The following TMEM132C variants were observed in gnomAD, a reference collection of about 807,000 sequenced individuals.
TMEM132C encodes protein phosphatase 1, regulatory subunit 152.
TMEM132C carries 29 observed loss-of-function variants against 61.4 expected under a neutral mutation model. The observed-to-expected ratio is 0.47, with a 90% CI of 0.35 to 0.64. The LOEUF (loss-of-function observed/expected upper bound fraction) is 0.64, where lower values mean the gene tolerates loss of function less well. Among genes scored for constraint, TMEM132C ranks in the 30% least tolerant of loss-of-function variants. The probability of loss-of-function intolerance (pLI) is 0.00; values close to 1 mark genes in which losing one functional copy is unlikely to be tolerated. For synonymous variants in TMEM132C, 656 were observed against 633.1 expected, an observed-to-expected ratio of 1.04 and a Z score of -0.54; for missense variants, 1,408 against 1,476.9, an observed-to-expected ratio of 0.95 and a Z score of 0.76.
chr12:128,549,245 A>T (rs76925685), intron 3 of TMEM132C, among the ~76,000 whole-genome samples: 4,423 of 152,104 alleles, frequency 0.029, 259 homozygotes, highest in African/African-American at 0.1. Flanking sequence ...GCAGCTCATT[A>T]TCCTCTCACC....
Position 128,642,299 on chromosome 12 carries a change from T to C in TMEM132C, c.1305+25964T>C, listed in dbSNP as rs1006937594. Among the ~76,000 whole-genome samples the C allele has an allele frequency of 2.6e-5, 4 of 151,982 alleles. No homozygotes were observed. The East Asian group carries it at 7.7e-4, about 29-fold the overall frequency. The stretch of plus-strand genomic sequence containing the variant: ...GGTGTGTGCCACCATGTCTGGCTAA[T>C]TTTTTGTATTTTAGTAGAGATGGGG... On this transcript the variant is annotated intron_variant, in intron 4 of 8. Transcript: ENST00000435159.
chr12:128,293,259 C>T (rs530087531), intron 1 of TMEM132C, among the ~76,000 whole-genome samples: 9 of 152,190 alleles, frequency 5.9e-5, no homozygotes, highest in East Asian at 3.9e-4. Flanking sequence ...CTCAGGGGGC[C>T]GTTTCATTGC....
intron 3 of TMEM132C, among the ~76,000 whole-genome samples, chr12:128,605,645 C>T (rs1019177972): frequency 6.6e-6 from 1 of 152,138 alleles, no homozygotes; most frequent in African/African-American, 2.4e-5. Context: ...AGTGGCATCA[C>T]GTCAAACCAC....
intron 1 of TMEM132C, among the ~76,000 whole-genome samples, chr12:128,303,986 C>T (rs897197624): frequency 1.3e-5 from 2 of 152,060 alleles, no homozygotes; most frequent in Non-Finnish European, 2.9e-5. Flanking sequence ...ACCCAACTAA[C>T]CTGGTAGTTG....
chr12:128,495,562 G>A (rs1259247648), intron 2 of TMEM132C, among the ~76,000 whole-genome samples: 1 of 152,044 alleles, frequency 6.6e-6, no homozygotes, highest in African/African-American at 2.4e-5. Flanking sequence ...AGCTCTTCTT[G>A]TTGAATCCCT....
chr12:128,540,993 C>CTCTGTCTG lies in TMEM132C; in HGVS notation c.975-2956_975-2949dup, dbSNP rs148028994. Among the ~76,000 whole-genome samples the CTCTGTCTG allele has an allele frequency of 2.0e-5, 3 of 150,700 alleles. No individual in the cohort carries two copies. In the East Asian group the frequency reaches 5.9e-4, roughly 30 times the overall value. ...TGTCTCTATCTCTCTGTCTGTATGTCTCTGTCTGTCTGTCTATCTTTCTCT... is the reference window on the plus strand; with the variant it reads ...TGTCTCTATCTCTCTGTCTGTATGTCTCTGTCTGTCTGTCTGTCTGTCTATCTTTCTCT... On this transcript the variant is annotated intron_variant, in intron 2 of 8. Transcript: ENST00000435159.
intron 1 of TMEM132C, chr12:128,288,699 A>G (rs567098882): frequency 1.6e-4 from 25 of 151,866 alleles, no homozygotes; most frequent in African/African-American, 5.1e-4. Flanking sequence ...GGAGGCTGGC[A>G]CTCTTATATA....
chr12:128,574,141 C>G (rs1875005363), intron 3 of TMEM132C, among the ~76,000 whole-genome samples: 1 of 152,216 alleles, frequency 6.6e-6, no homozygotes, highest in South Asian at 2.1e-4. Flanking sequence ...CAGAACGCCA[C>G]TTCCTTGCTC....
At chr12:128,534,521 C>G (rs1411422714) in intron 2 of TMEM132C, among the ~76,000 whole-genome samples, 2 of 152,256 alleles carry the variant, frequency 1.3e-5, no homozygotes, top group African/African-American at 4.8e-5. Context: ...CTGCCTGACC[C>G]TCCAGAAGCA....
At chr12:128,591,324 A>T (rs1875741800) in intron 3 of TMEM132C, among the ~76,000 whole-genome samples, 1 of 151,074 alleles carries the variant, frequency 6.6e-6, no homozygotes, top group Admixed American at 6.6e-5. Context: ...GTCTCTGTGG[A>T]TTTGCCTGTT....
Position 128,669,487 on chromosome 12 carries a change from TGGA to T in TMEM132C, c.1381_1383del (p.Glu461del). 4 of 1,551,692 alleles carry T rather than the reference TGGA, an allele frequency of 2.6e-6. No homozygotes were observed. Among genetic ancestry groups the T allele is most frequent in the African/African-American group, 1.4e-5 (1 of 73,156 alleles). On this transcript the variant is annotated inframe_deletion, in exon 5 of 9. Coordinates refer to ENST00000435159, the MANE Select transcript of TMEM132C (RefSeq NM_001136103.3). The stretch of plus-strand genomic sequence containing the variant: ...GCCATGCCTATCAAGGTGGTCTCTG[TGGA>T]GGAGAACAGTGCCGTGATGGACATC...
At chr12:128,600,750 C>T (rs1206299843) in intron 3 of TMEM132C, among the ~76,000 whole-genome samples, 4 of 152,250 alleles carry the variant, frequency 2.6e-5, no homozygotes, top group Non-Finnish European at 5.9e-5. Context: ...CCATGGACCA[C>T]AATGATGCGC....
intron 2 of TMEM132C, among the ~76,000 whole-genome samples, chr12:128,444,401 C>T (rs1020669517): frequency 5.9e-5 from 9 of 152,290 alleles, no homozygotes; most frequent in East Asian, 3.9e-4. Context: ...TGGAAGGCTC[C>T]GGATGGAGCA....
intron 1 of TMEM132C, among the ~76,000 whole-genome samples, chr12:128,405,593 C>T (rs950713118): frequency 2.0e-5 from 3 of 152,150 alleles, no homozygotes; most frequent in African/African-American, 7.2e-5. Context: ...AAAGAAATGG[C>T]AAACTATGGC....
intron 3 of TMEM132C, among the ~76,000 whole-genome samples, chr12:128,604,438 TAGA>T (rs879742410): frequency 2.0e-5 from 3 of 149,576 alleles, no homozygotes; most frequent in Non-Finnish European, 4.4e-5. Context: ...GATAGATAGA[TAGA>T]TAGATAGATA....
chr12:128,687,376 C>T (rs1954685924), intron 5 of TMEM132C, among the ~76,000 whole-genome samples: 1 of 152,158 alleles, frequency 6.6e-6, no homozygotes, highest in African/African-American at 2.4e-5. Context: ...CCCTACCCTC[C>T]ATCCCCTAGA....
intron 2 of TMEM132C, among the ~76,000 whole-genome samples, chr12:128,504,384 G>C (rs1200860712): frequency 6.6e-6 from 1 of 152,184 alleles, no homozygotes; most frequent in African/African-American, 2.4e-5. Context: ...ATTTTAAGGG[G>C]AATGTATATA....
intron 1 of TMEM132C, among the ~76,000 whole-genome samples, chr12:128,277,374 A>T (rs1461394849): frequency 6.6e-6 from 1 of 152,202 alleles, no homozygotes; most frequent in Non-Finnish European, 1.5e-5. Flanking sequence ...GGCCATCATT[A>T]TCAACAGCAC....
At chr12:128,508,193 G>A (rs151281509) in intron 2 of TMEM132C, among the ~76,000 whole-genome samples, 2 of 152,276 alleles carry the variant, frequency 1.3e-5, no homozygotes, top group African/African-American at 4.8e-5. Context: ...AGGGAATGAG[G>A]CAGAGGCGAA....
Sources: gnomAD v4.1 joint callset for allele counts (sites outside exome capture counted in the v4.1 genomes callset) on GRCh38, gnomAD v4.1.1 for gene constraint, MANE v1.5 for transcripts, NCBI Gene and HGNC (gene_info 2026-07-23, HGNC 2026-07-21) for gene names.